INSR: variants seen among roughly 807,000 people sequenced by gnomAD.
INSR encodes the protein insulin receptor.
INSR carries 67 observed loss-of-function variants against 142.6 expected under a neutral mutation model. The observed-to-expected ratio is 0.47, with a 90% CI of 0.39 to 0.58. The LOEUF (loss-of-function observed/expected upper bound fraction) is 0.58. INSR is among the 20% of genes least tolerant of loss of function. The pLI, the probability that INSR is intolerant of heterozygous loss-of-function variation, is 0.00. For missense variants in INSR, 1,248 were observed against 1,833.2 expected, an observed-to-expected ratio of 0.68 and a Z score of 5.83; for synonymous variants, 756 against 743.1, an observed-to-expected ratio of 1.02 and a Z score of -0.28.
chr19:7,231,360 G>A (rs954205463), intron 2 of INSR, among the ~76,000 whole-genome samples: 2 of 146,484 alleles, frequency 1.4e-5, no homozygotes, highest in African/African-American at 2.5e-5. Context: ...TAGTGCGGTG[G>A]TGTGATCTCT....
Position 7,125,263 on chromosome 19 carries a change from C to T in INSR, c.3258+20G>A, listed in dbSNP as rs755507424. Reference sequence around the variant, plus strand: ...AAGGGTCAGGAAAGCCAGCCCATGTCCCACCCCCACTGGACTCACCACGTG... The same window carrying T: ...AAGGGTCAGGAAAGCCAGCCCATGTTCCACCCCCACTGGACTCACCACGTG... On this transcript the variant is annotated intron_variant, in intron 17 of 21. Transcript: ENST00000302850. The surrounding 1 kb of genome is among the most constrained non-coding windows in gnomAD (Gnocchi z 4.9). The T allele has an allele frequency of 5.6e-6, 9 of 1,613,782 alleles. No homozygotes were observed. Among genetic ancestry groups the T allele is most frequent in the African/African-American group, 1.3e-5 (1 of 75,018 alleles).
intron 1 of INSR, among the ~76,000 whole-genome samples, chr19:7,271,802 G>A (rs578136094): frequency 4.2e-4 from 63 of 151,582 alleles, no homozygotes; most frequent in African/African-American, 1.5e-3. Flanking sequence ...TTAAACCCAA[G>A]AGTTCAAGAC....
intron 1 of INSR, among the ~76,000 whole-genome samples, chr19:7,277,392 G>T (rs1048849139): frequency 1.3e-5 from 2 of 151,932 alleles, no homozygotes; most frequent in African/African-American, 4.8e-5. Flanking sequence ...GGCCCAGGGG[G>T]ACTCTCAAGA....
chr19:7,142,902 C>A lies in INSR; in HGVS notation c.2456G>T (p.Arg819Leu), dbSNP rs1283504748. ...ISGLRHFTGY[R>L]IELQACNQDT... is the part of the protein sequence containing the mutation. The stretch of plus-strand genomic sequence containing the variant: ...CTGGTTGCAAGCCTGCAGCTCGATG[C>A]GATAGCCCGTGAAGTGTCGCAAGCC... The change falls in exon 12 of 22, where the codon CGC (arginine) becomes CTC (leucine). Residue 819 changes from arginine (R) to leucine (L), a missense_variant. Transcript: ENST00000302850. The A allele has an allele frequency of 1.9e-6, 3 of 1,614,096 alleles. No homozygotes were observed. Among genetic ancestry groups the A allele is most frequent in the Non-Finnish European group, 2.5e-6 (3 of 1,180,026 alleles).
At chr19:7,221,129 T>A (rs1397560086) in intron 2 of INSR, among the ~76,000 whole-genome samples, 2 of 152,222 alleles carry the variant, frequency 1.3e-5, no homozygotes, top group African/African-American at 4.8e-5. Flanking sequence ...ATCCCAGCAC[T>A]TTGGGAGGCT....
At chr19:7,285,886 T>C (rs1968333285) in intron 1 of INSR, among the ~76,000 whole-genome samples, 1 of 152,304 alleles carries the variant, frequency 6.6e-6, no homozygotes, top group Admixed American at 6.5e-5. Flanking sequence ...TCTATCCTAA[T>C]TGTGGCAATA....
chr19:7,253,021 G>A (rs950734848), intron 2 of INSR, among the ~76,000 whole-genome samples: 1 of 151,654 alleles, frequency 6.6e-6, no homozygotes, highest in Non-Finnish European at 1.5e-5. Context: ...AGGCTGAGGC[G>A]GGGGAATCCC....
intron 3 of INSR, 25 bp downstream of exon 3, chr19:7,184,291 C>T (rs747464141): frequency 2.5e-6 from 4 of 1,607,744 alleles, no homozygotes; most frequent in Middle Eastern, 1.8e-4. Context: ...CTCGGCTGCC[C>T]CCCAGACCCA....
intron 7 of INSR, among the ~76,000 whole-genome samples, chr19:7,167,435 G>A (rs536212186): frequency 9.2e-5 from 14 of 152,012 alleles, no homozygotes; most frequent in South Asian, 2.1e-4. Context: ...AATTAGCTAC[G>A]TGTGATGGTG....
chr19:7,179,462 C>T (rs1301201643), intron 3 of INSR, among the ~76,000 whole-genome samples: 1 of 152,212 alleles, frequency 6.6e-6, no homozygotes. Flanking sequence ...GGCAGAACAG[C>T]TGAGGCAGAA....
At position 7,184,653 on chromosome 19, in the gene INSR, G is replaced by C; in HGVS notation, c.653-16C>G. On this transcript the variant is annotated splice_polypyrimidine_tract_variant and intron_variant, in intron 2 of 21. Coordinates refer to ENST00000302850, the MANE Select transcript of INSR (RefSeq NM_000208.4). ...GTCGGGCAAACTGGAGAGAGAGAGA[G>C]AGAGAGAGGGAAATAAATAAATAAA... 2 of 1,473,442 alleles carry C rather than the reference G, an allele frequency of 1.4e-6. No individual in the cohort carries two copies. The highest frequency in any genetic ancestry group is 1.9e-6 in the Non-Finnish European group (2 of 1,075,110). The allele number at this position is 1,473,442 out of a possible 1,614,324, so 91.3% of individuals were successfully genotyped here.
chr19:7,152,272 TC>T, intron 10 of INSR: 1 of 272,016 alleles, frequency 3.7e-6, no homozygotes, highest in Non-Finnish European at 7.1e-6. Context: ...GCACCTGTAG[TC>T]CCAGCTACTT....
At chr19:7,199,693 C>G (rs1290031864) in intron 2 of INSR, among the ~76,000 whole-genome samples, 1 of 151,736 alleles carries the variant, frequency 6.6e-6, no homozygotes, top group East Asian at 1.9e-4. Flanking sequence ...GGAACCCAGC[C>G]TGGCTGTAAC....
chr19:7,159,286 G>A lies in INSR; in HGVS notation c.2029+3746C>T, dbSNP rs1157557837. 5 of 152,040 alleles carry A rather than the reference G, an allele frequency of 3.3e-5. No homozygotes were observed. The highest frequency in any genetic ancestry group is 4.8e-5 in the African/African-American group (2 of 41,366). 9.4% of individuals were successfully genotyped at this position (152,040 alleles called of 1,614,324 possible). On this transcript the variant is annotated intron_variant, in intron 9 of 21. Coordinates refer to ENST00000302850, the MANE Select transcript of INSR (RefSeq NM_000208.4). The surrounding 1 kb of genome is among the most constrained non-coding windows in gnomAD (Gnocchi z 4.3). ...TGCAATCATCACCACCATCATCTCC[G>A]GAACTTTCTCATCTTCCCAAACTGA... is the stretch of plus-strand genomic sequence containing the variant.
Position 7,168,135 on chromosome 19 carries a change from G to T in INSR, c.1484-41C>A, listed in dbSNP as rs140569636. On this transcript the variant is annotated intron_variant, in intron 6 of 21. Coordinates refer to ENST00000302850, the MANE Select transcript of INSR (RefSeq NM_000208.4). This position sits in a 1 kb window ranked among gnomAD's most constrained non-coding sequence, Gnocchi z 4.3. ...CAAAAGGCAAAAATGAGCTATTTCA[G>T]TGTAGTTTCAGACCAAAGCCTGGGA... 2.2e-4 allele frequency: 350 copies of T among 1,609,406 alleles called. 3 individuals carry two copies. The African/African-American group carries it at 4.2e-3, about 19-fold the overall frequency.
intron 4 of INSR, among the ~76,000 whole-genome samples, chr19:7,173,670 A>G (rs2144958645): frequency 7.7e-6 from 1 of 130,196 alleles, no homozygotes; most frequent in East Asian, 2.2e-4. Flanking sequence ...CCCAGGCTAG[A>G]GTGCAGTGGC....
intron 2 of INSR, among the ~76,000 whole-genome samples, chr19:7,226,808 A>G (rs932652884): frequency 2.6e-5 from 4 of 152,078 alleles, no homozygotes; most frequent in Middle Eastern, 3.4e-3. Flanking sequence ...CCCTACTCCA[A>G]ACAGGTTTCC....
At chr19:7,186,544 G>A (rs1184678854) in intron 2 of INSR, among the ~76,000 whole-genome samples, 1 of 151,916 alleles carries the variant, frequency 6.6e-6, no homozygotes, top group Admixed American at 6.6e-5. Context: ...TAGTTCAGTG[G>A]TATTAAATAC....
chr19:7,268,624 T>C (rs1288277613), intron 1 of INSR: 1 of 984,596 alleles, frequency 1.0e-6, no homozygotes, highest in Non-Finnish European at 1.2e-6. Flanking sequence ...ACTCCTATCC[T>C]CCTCTGTAAC....
Sources: gnomAD v4.1 joint callset for allele counts (sites outside exome capture counted in the v4.1 genomes callset) on GRCh38, gnomAD v4.1.1 for gene constraint, Gnocchi (gnomAD v3.1) non-coding constraint, MANE v1.5 for transcripts, NCBI Gene and HGNC (gene_info 2026-07-23, HGNC 2026-07-21) for gene names.